EPAS1: variants seen among roughly 807,000 people sequenced by gnomAD.
The protein encoded by EPAS1 is endothelial PAS domain-containing protein 1.
In EPAS1, 23 loss-of-function variants were observed where a neutral mutation model predicts 87.9. The ratio of observed to expected loss-of-function variants is 0.26; its 90% CI spans 0.19 to 0.37. The LOEUF is 0.37. Among genes scored for constraint, EPAS1 ranks in the 10% least tolerant of loss-of-function variants. The pLI is 1.00. For missense variants in EPAS1, 1,138 were observed against 1,120.7 expected (o/e 1.02, Z -0.22); for synonymous variants, 508 against 444.3 (o/e 1.14, Z -1.80).
At chr2:46,356,509 C>G (rs946854513) in intron 3 of EPAS1, among the ~76,000 whole-genome samples, 2 of 152,182 alleles carry the variant, frequency 1.3e-5, no homozygotes, top group East Asian at 3.9e-4. Flanking sequence ...TGGTAGACAG[C>G]TCTCTACTGA....
At chr2:46,357,064 G>C (rs909788435) in intron 4 of EPAS1, among the ~76,000 whole-genome samples, 1 of 152,204 alleles carries the variant, frequency 6.6e-6, no homozygotes, top group Middle Eastern at 3.2e-3. Flanking sequence ...TTAGGACACT[G>C]TCTCTAGGAG....
intron 1 of EPAS1, among the ~76,000 whole-genome samples, chr2:46,318,681 G>A (rs998666021): frequency 6.6e-6 from 1 of 152,174 alleles, no homozygotes; most frequent in Non-Finnish European, 1.5e-5. Flanking sequence ...TTTGCATAGT[G>A]TGGTGATTTT....
intron 1 of EPAS1, among the ~76,000 whole-genome samples, chr2:46,325,851 A>G (rs1683551275): frequency 6.6e-6 from 1 of 152,230 alleles, no homozygotes; most frequent in South Asian, 2.1e-4. Flanking sequence ...GACACAAAGA[A>G]GAAACAGAAG....
intron 1 of EPAS1, among the ~76,000 whole-genome samples, chr2:46,327,813 G>C (rs1277724485): frequency 6.6e-6 from 1 of 152,172 alleles, no homozygotes; most frequent in African/African-American, 2.4e-5. Flanking sequence ...GGGCACCCTG[G>C]TGGTGGTCTC....
chr2:46,381,491 A>G, intron 12 of EPAS1, 105 bp from the exon 13 acceptor site: 6 of 1,582,690 alleles, frequency 3.8e-6, no homozygotes, highest in Non-Finnish European at 5.2e-6. Context: ...TCTTTGAGTC[A>G]TCACAGGCAT....
chr2:46,356,938 TTAAG>T, intron 4 of EPAS1, 130 bp downstream of exon 4: 2 of 713,960 alleles, frequency 2.8e-6, no homozygotes, highest in South Asian at 1.5e-5. Flanking sequence ...CTTAAAAAAT[TTAAG>T]TATGTAGCCT....
chr2:46,340,015 C>A (rs1446323001), intron 1 of EPAS1, among the ~76,000 whole-genome samples: 1 of 152,132 alleles, frequency 6.6e-6, no homozygotes, highest in Non-Finnish European at 1.5e-5. Flanking sequence ...ACATTCAGAC[C>A]TTGGCACCCA....
Position 46,380,505 on chromosome 2 carries a change from C to A in EPAS1, c.1833C>A (p.Ala611=), listed in dbSNP as rs41281469. ...HRPMSSIFFD[A]GSKASLPPCC... is the part of the protein sequence containing the mutation. ...CCATGTCCTCCATCTTCTTTGATGC[C>A]GGAAGCAAAGCATCCCTGCCACCGT... Residue 611 remains alanine (A), a synonymous_variant, in exon 12 of 16, where the codon GCC becomes GCA. Transcript: ENST00000263734. The surrounding 1 kb of genome is among the most constrained non-coding windows in gnomAD (Gnocchi z 4.4). The A allele has an allele frequency of 6.2e-7, 1 of 1,614,050 alleles. No homozygotes were observed. Among genetic ancestry groups the A allele is most frequent in the Non-Finnish European group, 8.5e-7 (1 of 1,180,038 alleles).
In EPAS1 at chr2:46,300,811, A is replaced by G. The variant is rs1356791572; in HGVS notation, c.26+2874A>G. On this transcript the variant is annotated intron_variant, in intron 1 of 15. Transcript: ENST00000263734. This position sits in a 1 kb window ranked among gnomAD's most constrained non-coding sequence, Gnocchi z 4.1. The stretch of plus-strand genomic sequence containing the variant: ...GTGCTTATACAGTAGTGCTCAGTAC[A>G]GGGCTAGCGTGGAAGGGGAATTGGA... Among the ~76,000 whole-genome samples the G allele has an allele frequency of 6.6e-6, 1 of 152,182 alleles. No individual in the cohort carries two copies. Among genetic ancestry groups the G allele is most frequent in the East Asian group, 1.9e-4 (1 of 5,200 alleles).
intron 1 of EPAS1, among the ~76,000 whole-genome samples, chr2:46,340,347 A>G (rs1683886738): frequency 6.6e-6 from 1 of 152,184 alleles, no homozygotes; most frequent in Non-Finnish European, 1.5e-5. Flanking sequence ...CTCCAGGGAC[A>G]CAGACCGTTA....
intron 3 of EPAS1, 99 bp downstream of exon 3, chr2:46,356,401 T>A: frequency 6.7e-7 from 1 of 1,483,570 alleles, no homozygotes; most frequent in Non-Finnish European, 9.3e-7. Flanking sequence ...GACCTCTCCC[T>A]GCAAATGCCC....
chr2:46,364,285 G>C (rs1395373186), intron 6 of EPAS1, among the ~76,000 whole-genome samples: 1 of 152,140 alleles, frequency 6.6e-6, no homozygotes, highest in African/African-American at 2.4e-5. Flanking sequence ...AGAAAAGTTA[G>C]AATCTGAAGA....
chr2:46,338,002 C>T (rs1235915112), intron 1 of EPAS1, among the ~76,000 whole-genome samples: 1 of 152,188 alleles, frequency 6.6e-6, no homozygotes, highest in African/African-American at 2.4e-5. Flanking sequence ...GTGTATGTTT[C>T]AAAAAGCTCA....
intron 6 of EPAS1, among the ~76,000 whole-genome samples, chr2:46,367,160 T>C (rs1684520716): frequency 6.6e-6 from 1 of 152,280 alleles, no homozygotes; most frequent in African/African-American, 2.4e-5. Flanking sequence ...GCCCATTGTA[T>C]GCCTTTGAAT....
In EPAS1 at chr2:46,302,800, G is replaced by A. The variant is rs115340113; in HGVS notation, c.26+4863G>A. On this transcript the variant is annotated intron_variant, in intron 1 of 15. Coordinates refer to ENST00000263734, the MANE Select transcript of EPAS1 (RefSeq NM_001430.5). Reference sequence around the variant, plus strand: ...TAAGTAAAAATATAAGGGGTTGGGCGTGGTAACTCATGCCTGTAATCCCAG... The same window carrying A: ...TAAGTAAAAATATAAGGGGTTGGGCATGGTAACTCATGCCTGTAATCCCAG... Among the ~76,000 whole-genome samples the A allele has an allele frequency of 6.0e-3, 905 of 151,828 alleles. 17 individuals are homozygous for A. Among genetic ancestry groups the A allele is most frequent in the African/African-American group, 0.019 (807 of 41,454 alleles).
At chr2:46,331,782 AGT>A (rs1174636385) in intron 1 of EPAS1, among the ~76,000 whole-genome samples, 2 of 152,156 alleles carry the variant, frequency 1.3e-5, no homozygotes, top group African/African-American at 4.8e-5. Flanking sequence ...GAGCCACTGC[AGT>A]CACACCCCAC....
In EPAS1 at chr2:46,358,903, C is replaced by T. The variant is rs76632424; in HGVS notation, c.455-1735C>T. ...AGGGCCTTGAACTTTATTCCATAGA[C>T]AATGGGGAGCTATTGAAGGTTTCTG... On this transcript the variant is annotated intron_variant, in intron 4 of 15. Coordinates refer to ENST00000263734, the MANE Select transcript of EPAS1 (RefSeq NM_001430.5). Among the ~76,000 whole-genome samples, 1,335 of 152,246 alleles carry T rather than the reference C, an allele frequency of 8.8e-3. 15 individuals carry two copies. Among genetic ancestry groups the T allele is most frequent in the African/African-American group, 0.031 (1,269 of 41,546 alleles).
chr2:46,319,347 G>A lies in EPAS1; in HGVS notation c.26+21410G>A, dbSNP rs146544979. On this transcript the variant is annotated intron_variant, in intron 1 of 15. Coordinates refer to ENST00000263734, the MANE Select transcript of EPAS1 (RefSeq NM_001430.5). ...TCTTCAGTGGTATTCCTGTGACCAA[G>A]ATTTCAAATAAGCTCCATTTTTAAT... Among the ~76,000 whole-genome samples, 462 of 152,298 alleles carry A rather than the reference G, an allele frequency of 3.0e-3. 4 individuals carry two copies. Among genetic ancestry groups the A allele is most frequent in the African/African-American group, 0.01 (434 of 41,558 alleles).
chr2:46,338,629 G>A (rs549192870), intron 1 of EPAS1, among the ~76,000 whole-genome samples: 3 of 152,320 alleles, frequency 2.0e-5, no homozygotes, highest in African/African-American at 7.2e-5. Flanking sequence ...AGCAAGGGTG[G>A]CCCTCTTCTC....
Sources: allele counts gnomAD v4.1 joint callset (sites outside exome capture counted in the v4.1 genomes callset), GRCh38; gene constraint gnomAD v4.1.1; non-coding constraint Gnocchi (gnomAD v3.1); transcripts MANE v1.5; gene names NCBI Gene and HGNC (gene_info 2026-07-23, HGNC 2026-07-21).